The following TTN variants were observed in gnomAD, a reference collection of about 807,000 sequenced individuals.
The protein encoded by TTN is connectin.
TTN carries 1,525 observed loss-of-function variants against 3,223.0 expected under a neutral mutation model. The observed-to-expected ratio is 0.47, with a 90% CI of 0.45 to 0.49. The LOEUF (loss-of-function observed/expected upper bound fraction) is 0.49. Among genes scored for constraint, TTN ranks in the 20% least tolerant of loss-of-function variants. The pLI is 0.00. For synonymous variants in TTN, 14,094 were observed against 15,161.0 expected (o/e 0.93, Z 5.17); for missense variants, 40,786 against 43,424.0 (o/e 0.94, Z 5.40).
Position 178,688,082 on chromosome 2 carries a change from A to C in TTN, c.32311+29T>G. The stretch of plus-strand genomic sequence containing the variant: ...AGAAAACACCTCATCAAAACCCCAG[A>C]TCATCTCTAGCTTATTTGCATTGTT... On this transcript the variant is annotated intron_variant, in intron 127 of 362. Transcript: ENST00000589042. 4 of 1,582,502 alleles carry C rather than the reference A, an allele frequency of 2.5e-6. No individual in the cohort carries two copies. In the East Asian group the frequency reaches 9.0e-5, roughly 35 times the overall value.
rs2154164932 is a variant in TTN, at chr2:178,565,604, A to G, written c.80528T>C (p.Leu26843Ser). 6.2e-7 allele frequency: 1 copy of G among 1,613,612 alleles called. No individual in the cohort carries two copies. The highest frequency in any genetic ancestry group is 2.2e-5 in the East Asian group (1 of 44,852). Residue 26843 changes from leucine to serine, a missense_variant, in exon 326 of 363, where the codon TTG (leucine) becomes TCG (serine). By Grantham distance (145) the Leu-to-Ser change is moderately radical. Coordinates refer to ENST00000589042, the MANE Select transcript of TTN (RefSeq NM_001267550.2). ...SKVCNAVVTG[L>S]SSGQEYQFRV... ...GAACTGATATTCTTGTCCAGAACTCAAACCAGTAACAACTGCATTACAGAC... is the reference window on the plus strand; with the variant it reads ...GAACTGATATTCTTGTCCAGAACTCGAACCAGTAACAACTGCATTACAGAC...
chr2:178,800,353 G>C (rs772165945), intron 4 of TTN, 42 bp downstream of exon 4: 1 of 1,613,094 alleles, frequency 6.2e-7, no homozygotes, highest in Admixed American at 1.7e-5. Flanking sequence ...ACACAAACCA[G>C]CTCTCTCCCC....
At chr2:178,537,970 C>G (rs1253247717) in intron 354 of TTN, 53 bp from the exon 355 acceptor site, 9 of 1,423,120 alleles carry the variant, frequency 6.3e-6, no homozygotes, top group Non-Finnish European at 8.5e-6. Context: ...AATCTGTAAT[C>G]CTTTGTCCTT....
Position 178,584,741 on chromosome 2 carries a change from C to T in TTN, c.64900G>A (p.Val21634Ile), listed in dbSNP as rs1191272248. ...ATGCCAAATCGGTTTTCAGCACGGACCCGGAAGATGTACTCCTGGCCTGGG... is the reference window on the plus strand; with the variant it reads ...ATGCCAAATCGGTTTTCAGCACGGATCCGGAAGATGTACTCCTGGCCTGGG... Reference protein sequence around the residue: ...LIPGQEYIFRVRAENRFGISE... With the variant: ...LIPGQEYIFRIRAENRFGISE... Residue 21634 changes from valine to isoleucine, a missense_variant, in exon 310 of 363, where the codon GTC (valine) becomes ATC (isoleucine). Coordinates refer to ENST00000589042, the MANE Select transcript of TTN (RefSeq NM_001267550.2). 1.2e-6 allele frequency: 2 copies of T among 1,613,360 alleles called. No individual in the cohort carries two copies. Among genetic ancestry groups the T allele is most frequent in the East Asian group, 2.2e-5 (1 of 44,842 alleles).
intron 205 of TTN, 65 bp downstream of exon 205, chr2:178,651,819 A>G: frequency 6.2e-7 from 1 of 1,602,618 alleles, no homozygotes; most frequent in Non-Finnish European, 8.5e-7. Flanking sequence ...CAGAGCACCC[A>G]GAATTATCAG....
At chr2:178,772,743 G>T (rs2091707566) in intron 33 of TTN, among the ~76,000 whole-genome samples, 1 of 152,162 alleles carries the variant, frequency 6.6e-6, no homozygotes, top group African/African-American at 2.4e-5. Flanking sequence ...TATACAAATA[G>T]AATTCCAGAT....
Position 178,587,684 on chromosome 2 carries a change from G to T in TTN, c.63625C>A (p.Arg21209=), listed in dbSNP as rs794729279. The part of the protein sequence containing the change: ...RGRPAPKVTW[R]KVGIDNVVRK... ...ACCACATTATCAATGCCAACTTTTC[G>T]CCAAGTGACTTTAGGGGCTGGTCGT... Residue 21209 remains arginine (R), a synonymous_variant, in exon 306 of 363, where the codon CGA becomes AGA. Transcript: ENST00000589042. The T allele has an allele frequency of 6.2e-7, 1 of 1,612,820 alleles. No individual in the cohort carries two copies. Among genetic ancestry groups the T allele is most frequent in the East Asian group, 2.2e-5 (1 of 44,616 alleles).
At chr2:178,671,022 G>A in intron 156 of TTN, 68 bp downstream of exon 156, 4 of 1,185,590 alleles carry the variant, frequency 3.4e-6, no homozygotes, top group Non-Finnish European at 4.8e-6. Context: ...ATGCAAACTT[G>A]TGCTTATAAA....
At position 178,549,203 on chromosome 2, in the gene TTN, C is replaced by T. The variant is rs1698362464; in HGVS notation, c.92423G>A (p.Gly30808Asp). The stretch of plus-strand genomic sequence containing the variant: ...TCTACATTTAATGAGTCTTGAGATG[C>T]CACTTGCAGGTCCAACTCCTGCAGC... ...ENAAGVGPAS[G>D]ISRLIKCREP... The change falls in exon 339 of 363, where the codon GGC becomes GAC. Residue 30808 changes from glycine (G) to aspartate (D), a missense_variant. Physicochemically the swap from Gly to Asp is moderately conservative, Grantham distance 94 (BLOSUM62 -1). Transcript: ENST00000589042. 1 of 1,613,672 alleles carries T rather than the reference C, an allele frequency of 6.2e-7. No homozygotes were observed. The highest frequency in any genetic ancestry group is 1.1e-5 in the South Asian group (1 of 91,086).
chr2:178,582,429 A>G lies in TTN; in HGVS notation c.66027T>C (p.Thr22009=). ...SRPNWAQVSA[T]VPITSCSVEK... is the part of the protein sequence containing the mutation. ...CCACGCTGCAGCTGGTGATAGGCACAGTTGCAGAGACTTGAGCCCAGTTGG... is the reference window on the plus strand; with the variant it reads ...CCACGCTGCAGCTGGTGATAGGCACGGTTGCAGAGACTTGAGCCCAGTTGG... Residue 22009 remains threonine, a synonymous_variant, in exon 314 of 363, where the codon ACT becomes ACC. Transcript: ENST00000589042. The G allele has an allele frequency of 6.2e-7, 1 of 1,613,010 alleles. No homozygotes were observed.
chr2:178,622,371 A>G (rs2058425434), intron 243 of TTN, among the ~76,000 whole-genome samples: 1 of 152,028 alleles, frequency 6.6e-6, no homozygotes, highest in South Asian at 2.1e-4. Flanking sequence ...TACTTAGTTG[A>G]AAGAAATATA....
intron 148 of TTN, 51 bp downstream of exon 148, chr2:178,675,870 T>C: frequency 1.9e-6 from 3 of 1,568,482 alleles, no homozygotes; most frequent in Non-Finnish European, 2.6e-6. Flanking sequence ...TTGACTTTTA[T>C]AGGAGAAGGA....
At position 178,645,920 on chromosome 2, in the gene TTN, C is replaced by G; in HGVS notation, c.40408G>C (p.Ala13470Pro). Residue 13470 changes from alanine (A) to proline (P), a missense_variant and splice_region_variant, in exon 217 of 363, where the codon GCT (alanine) becomes CCT (proline). Ala to Pro is a conservative substitution (Grantham distance 27). Coordinates refer to ENST00000589042, the MANE Select transcript of TTN (RefSeq NM_001267550.2). ...AAACTTTGGAAGTGGCATTTTTTAC[C>G]TTTAAGTTGGAATATTTTCTCCTTC... ...DVKEKIFQLK[A>P]IPKKKVPEKP... 6.4e-7 allele frequency: 1 copy of G among 1,558,828 alleles called. No homozygotes were observed. Among genetic ancestry groups the G allele is most frequent in the Non-Finnish European group, 8.7e-7 (1 of 1,152,946 alleles).
In TTN at chr2:178,557,690, C is replaced by G. The variant is rs1421442862; in HGVS notation, c.87664G>C (p.Asp29222His). ...GTCACACAAGCTGAATCTATATGAT[C>G]ACTGATGCCAAAGCGGTTTTCTGCC... The part of the protein sequence containing the change: ...IKAENRFGIS[D>H]HIDSACVTVK... The change falls in exon 328 of 363, where the codon GAT becomes CAT. Residue 29222 changes from aspartate (D) to histidine (H), a missense_variant. Coordinates refer to ENST00000589042, the MANE Select transcript of TTN (RefSeq NM_001267550.2). The G allele has an allele frequency of 6.2e-7, 1 of 1,613,960 alleles. No individual in the cohort carries two copies.
chr2:178,804,179 A>G (rs1209700552), intron 2 of TTN, among the ~76,000 whole-genome samples: 1 of 152,186 alleles, frequency 6.6e-6, no homozygotes, highest in Non-Finnish European at 1.5e-5. Context: ...TGCCTACCCC[A>G]TGGCTCTGTG....
In TTN at chr2:178,567,918, C is replaced by G. The variant is rs762807103; in HGVS notation, c.78214G>C (p.Gly26072Arg). The G allele has an allele frequency of 6.2e-7, 1 of 1,613,528 alleles. No homozygotes were observed. The highest frequency in any genetic ancestry group is 1.1e-5 in the South Asian group (1 of 91,070). Residue 26072 changes from glycine (G) to arginine (R), a missense_variant, in exon 326 of 363, where the codon GGT (glycine) becomes CGT (arginine). Transcript: ENST00000589042. ...EFRVYAENIV[G>R]VGKASKNSEC... The stretch of plus-strand genomic sequence containing the variant: ...GAATTCTTGCTTGCTTTGCCTACAC[C>G]AACAATATTTTCAGCATACACTCTG...
rs776353894 is a variant in TTN at position 178,768,773 on chromosome 2, G to A, written c.9063C>T (p.Leu3021=). ...CATTCCTGATGTTCAGTGAGTGTGT[G>A]AGCTTTTTGGTTCTCATCTGGCACT... ...TDKCQMRTKK[L]THSLNIRNVH... is the part of the protein sequence containing the mutation. The change falls in exon 38 of 363, where the codon CTC becomes CTT. Residue 3021 remains leucine (L), a synonymous_variant. Transcript: ENST00000589042. 3.7e-6 allele frequency: 6 copies of A among 1,613,994 alleles called. No individual in the cohort carries two copies. In the East Asian group the frequency reaches 1.3e-4, roughly 36 times the overall value.
intron 281 of TTN, 36 bp from the exon 282 acceptor site, chr2:178,604,341 A>AT (rs2054241976): frequency 4.3e-6 from 6 of 1,399,334 alleles, no homozygotes; most frequent in Non-Finnish European, 5.6e-6. Context: ...ATTGAAGAGA[A>AT]TATACTTATG....
rs748564415 is a variant in TTN, at chr2:178,728,534, T to C, written c.19392A>G (p.Gly6464=). ...QYTFKVENDF[G]SSSCDAYLRV... is the part of the protein sequence containing the mutation. ...TTAAGTAGGCATCACAGCTACTGCTTCCGAAGTCATTTTCCACCTTGAAAG... is the reference window on the plus strand; with the variant it reads ...TTAAGTAGGCATCACAGCTACTGCTCCCGAAGTCATTTTCCACCTTGAAAG... Residue 6464 remains glycine (G), a synonymous_variant, in exon 66 of 363, where the codon GGA becomes GGG. Coordinates refer to ENST00000589042, the MANE Select transcript of TTN (RefSeq NM_001267550.2). 6.2e-7 allele frequency: 1 copy of C among 1,612,370 alleles called. No homozygotes were observed. Among genetic ancestry groups the C allele is most frequent in the South Asian group, 1.1e-5 (1 of 90,958 alleles).
Sources: allele counts gnomAD v4.1 joint callset (sites outside exome capture counted in the v4.1 genomes callset), GRCh38; gene constraint gnomAD v4.1.1; transcripts MANE v1.5; gene names NCBI Gene and HGNC (gene_info 2026-07-23, HGNC 2026-07-21).